The following MGST1 variants were observed in gnomAD, a reference collection of about 807,000 sequenced individuals.
MGST1 encodes glutathione S-transferase 12.
Under a neutral mutation model 8.9 loss-of-function variants are expected in MGST1, and 5 were observed. The ratio of observed to expected loss-of-function variants is 0.56; its 90% CI spans 0.29 to 1.19. The LOEUF is 1.19. Ranked by LOEUF, MGST1 falls within the 50% of genes most tolerant of loss-of-function variation. The pLI is 0.08. For synonymous variants in MGST1, 54 were observed against 67.8 expected (o/e 0.80, Z 1.00); for missense variants, 182 against 187.4 (o/e 0.97, Z 0.17).
In MGST1 at chr12:16,560,201, T is replaced by C. The variant is rs1008814535; in HGVS notation, n.483-29327T>C. On this transcript the variant is annotated intron_variant and non_coding_transcript_variant, in intron 4 of 4. Transcript: ENST00000538857. This position sits in a 1 kb window ranked among gnomAD's most constrained non-coding sequence, Gnocchi z 5.0. ...AGTGTTTCCATTTTCTGTTACTTGC[T>C]CTTATATGATGCTTTTCTTTCAGGT... is the stretch of plus-strand genomic sequence containing the variant. Among the ~76,000 whole-genome samples, 40 of 152,176 alleles carry C rather than the reference T, an allele frequency of 2.6e-4. No individual in the cohort carries two copies. The highest frequency in any genetic ancestry group is 9.7e-4 in the African/African-American group (40 of 41,438).
At chr12:16,437,658 T>C (rs565890050) in exon 2 of MGST1, 2 of 152,108 alleles carry the variant, frequency 1.3e-5, no homozygotes, top group South Asian at 4.1e-4. Flanking sequence ...CTTCCAAAGT[T>C]TGTGCATTTT....
intron 3 of MGST1, among the ~76,000 whole-genome samples, chr12:16,373,125 T>C (rs1158711375): frequency 6.6e-6 from 1 of 151,528 alleles, no homozygotes; most frequent in Non-Finnish European, 1.5e-5. Flanking sequence ...CTGGAGGCTT[T>C]TATGTTAGTG....
At position 16,354,277 on chromosome 12, in the gene MGST1, G is replaced by T; in HGVS notation, c.25G>T (p.Asp9Tyr). The T allele has an allele frequency of 6.2e-7, 1 of 1,603,502 alleles. No homozygotes were observed. Among genetic ancestry groups the T allele is most frequent in the Non-Finnish European group, 8.5e-7 (1 of 1,176,882 alleles). ...AATGGTTGACCTCACCCAGGTAATGGATGATGAAGTATTCATGGCTTTTGC... is the reference window on the plus strand; with the variant it reads ...AATGGTTGACCTCACCCAGGTAATGTATGATGAAGTATTCATGGCTTTTGC... MVDLTQVM[D>Y]DEVFMAFASY... The change falls in exon 2 of 4, where the codon GAT (aspartate) becomes TAT (tyrosine). Residue 9 changes from aspartate (D) to tyrosine (Y), a missense_variant. By Grantham distance (160) the Asp-to-Tyr change is radical. Coordinates refer to ENST00000396210, the MANE Select transcript of MGST1 (RefSeq NM_020300.5).
At chr12:16,400,502 C>T (rs1940645385) in intron 1 of MGST1, 2 of 814,182 alleles carry the variant, frequency 2.5e-6, no homozygotes, top group Admixed American at 1.7e-5. Flanking sequence ...ACAATGCCCT[C>T]CTTCTCTTTC....
chr12:16,420,780 A>G (rs1270612439), intron 1 of MGST1, among the ~76,000 whole-genome samples: 2 of 152,272 alleles, frequency 1.3e-5, no homozygotes, highest in Admixed American at 1.3e-4. Context: ...GACTCAACTG[A>G]GCACCTTTAA....
chr12:16,424,743 C>G (rs1371829133), intron 1 of MGST1, among the ~76,000 whole-genome samples: 1 of 152,200 alleles, frequency 6.6e-6, no homozygotes, highest in East Asian at 1.9e-4. Context: ...AAGTTGAACT[C>G]CTCACCATTT....
chr12:16,410,017 A>C lies in MGST1; in HGVS notation n.778+26413A>C, dbSNP rs962793250. Among the ~76,000 whole-genome samples the C allele has an allele frequency of 2.6e-5, 4 of 152,156 alleles. No homozygotes were observed. Among genetic ancestry groups the C allele is most frequent in the Non-Finnish European group, 5.9e-5 (4 of 68,036 alleles). ...CCTCGTGAGTTCTCAGCGCCAAAGTAAATTTTCTTGTATCCTGGGAAGTGA... is the reference window on the plus strand; with the variant it reads ...CCTCGTGAGTTCTCAGCGCCAAAGTCAATTTTCTTGTATCCTGGGAAGTGA... On this transcript the variant is annotated intron_variant and non_coding_transcript_variant, in intron 1 of 1. Transcript: ENST00000359720. The surrounding 1 kb of genome is among the most constrained non-coding windows in gnomAD (Gnocchi z 4.4).
chr12:16,407,951 G>T lies in MGST1; in HGVS notation n.778+24347G>T, dbSNP rs557094727. 1.9e-4 allele frequency among the ~76,000 whole-genome samples: 27 copies of T among 142,646 alleles called. No homozygotes were observed. In the East Asian group the frequency reaches 5.8e-3, roughly 30 times the overall value. 93.6% of individuals were successfully genotyped at this position (142,646 alleles called of 152,430 possible). The stretch of plus-strand genomic sequence containing the variant: ...GGAGGCTGAGACAGGAGAATTGCTT[G>T]AACTCGGGAGGTGGAGGTTGCAGTG... On this transcript the variant is annotated intron_variant and non_coding_transcript_variant, in intron 1 of 1. Transcript: ENST00000359720.
At chr12:16,574,314 C>T (rs1401689349) in intron 4 of MGST1, among the ~76,000 whole-genome samples, 2 of 152,110 alleles carry the variant, frequency 1.3e-5, no homozygotes, top group African/African-American at 4.8e-5. Flanking sequence ...GTCTGATCAA[C>T]GAAAACGCCT....
chr12:16,491,615 GA>G (rs5796675), intron 4 of MGST1, among the ~76,000 whole-genome samples: 66,894 of 151,928 alleles, frequency 0.44, 16,758 homozygotes, highest in Non-Finnish European at 0.58. Flanking sequence ...ATTTTAAACT[GA>G]ATAAATGTAA....
intron 4 of MGST1, chr12:16,573,867 G>C (rs1942907890): frequency 6.6e-6 from 1 of 152,182 alleles, no homozygotes; most frequent in South Asian, 2.1e-4. Flanking sequence ...CCAAATCACC[G>C]TCTGGAGGCC....
chr12:16,349,228 G>A (rs929340846), intron 1 of MGST1: 2 of 152,188 alleles, frequency 1.3e-5, no homozygotes, highest in African/African-American at 4.8e-5. Context: ...GATTATTCAT[G>A]TGTTTCACAA....
intron 1 of MGST1, among the ~76,000 whole-genome samples, chr12:16,422,538 T>C (rs563711878): frequency 6.6e-6 from 1 of 152,304 alleles, no homozygotes; most frequent in South Asian, 2.1e-4. Flanking sequence ...GCAATTTTGG[T>C]AGCTGACAAT....
chr12:16,580,643 CA>C (rs1943132181), intron 4 of MGST1, among the ~76,000 whole-genome samples: 1 of 152,068 alleles, frequency 6.6e-6, no homozygotes, highest in Non-Finnish European at 1.5e-5. Flanking sequence ...GGTTACAAAA[CA>C]GAATGTAAAT....
intron 4 of MGST1, among the ~76,000 whole-genome samples, chr12:16,490,128 T>C (rs1941429360): frequency 6.6e-6 from 1 of 151,948 alleles, no homozygotes; most frequent in Non-Finnish European, 1.5e-5. Flanking sequence ...CTGGGCATGA[T>C]AGCATGTGCC....
intron 4 of MGST1, among the ~76,000 whole-genome samples, chr12:16,533,485 C>A (rs1414519809): frequency 6.6e-6 from 1 of 152,046 alleles, no homozygotes; most frequent in East Asian, 1.9e-4. Flanking sequence ...TTGCTTTTTT[C>A]TCGGTTAATT....
At position 16,364,096 on chromosome 12, in the gene MGST1, A is replaced by G. The variant is rs1407034853; in HGVS notation, c.*55A>G. On this transcript the variant is annotated 3_prime_UTR_variant, in exon 4 of 4. Coordinates refer to ENST00000396210, the MANE Select transcript of MGST1 (RefSeq NM_020300.5). This position sits in a 1 kb window ranked among gnomAD's most constrained non-coding sequence, Gnocchi z 5.7. ...GCTTTTTAAGAATTCTGTACTTCCA[A>G]TTTATAATGAATACTTTCTTAGATT... 6 of 1,526,010 alleles carry G rather than the reference A, an allele frequency of 3.9e-6. No individual in the cohort carries two copies. The highest frequency in any genetic ancestry group is 5.3e-6 in the Non-Finnish European group (6 of 1,135,628). The allele number at this position is 1,526,010 out of a possible 1,614,324, so 94.5% of individuals were successfully genotyped here.
At chr12:16,485,732 CA>C (rs1016022231) in intron 4 of MGST1, among the ~76,000 whole-genome samples, 5 of 152,086 alleles carry the variant, frequency 3.3e-5, no homozygotes, top group African/African-American at 1.2e-4. Flanking sequence ...AGATAAAACA[CA>C]AAATGCATGT....
At chr12:16,581,058 A>G (rs1591806725) in intron 4 of MGST1, among the ~76,000 whole-genome samples, 1 of 152,348 alleles carries the variant, frequency 6.6e-6, no homozygotes, top group East Asian at 1.9e-4. Context: ...CAATTAATCA[A>G]CATTGTAAAT....
Sources: allele counts gnomAD v4.1 joint callset (sites outside exome capture counted in the v4.1 genomes callset), GRCh38; gene constraint gnomAD v4.1.1; non-coding constraint Gnocchi (gnomAD v3.1); transcripts MANE v1.5; gene names NCBI Gene and HGNC (gene_info 2026-07-23, HGNC 2026-07-21).